Variants in C1GALT1 observed in about 807,000 individuals in gnomAD.
The protein encoded by C1GALT1 is glycoprotein-N-acetylgalactosamine 3-beta-galactosyltransferase 1.
Under a neutral mutation model 31.0 loss-of-function variants are expected in C1GALT1, and 11 were observed. The ratio of observed to expected loss-of-function variants is 0.36; its 90% CI spans 0.22 to 0.59. The LOEUF is 0.59. C1GALT1 is among the 20% of genes least tolerant of loss of function. The pLI is 0.79. For synonymous variants in C1GALT1, 175 were observed against 143.6 expected, an observed-to-expected ratio of 1.22 and a Z score of -1.56; for missense variants, 424 against 425.2, an observed-to-expected ratio of 1.00 and a Z score of 0.03.
intron 2 of C1GALT1, among the ~76,000 whole-genome samples, chr7:7,163,565 C>A (rs1293606446): frequency 6.6e-6 from 1 of 152,082 alleles, no homozygotes; most frequent in East Asian, 1.9e-4. Context: ...ATCTAGAAAA[C>A]CCCATTGTCT....
chr7:7,217,009 G>A (rs1262209213), intron 1 of C1GALT1, among the ~76,000 whole-genome samples: 1 of 152,094 alleles, frequency 6.6e-6, no homozygotes, highest in Non-Finnish European at 1.5e-5. Context: ...AGAGATTGTG[G>A]ATAAAAAGAG....
At chr7:7,223,200 C>G (rs569033150) in intron 1 of C1GALT1, among the ~76,000 whole-genome samples, 34 of 152,170 alleles carry the variant, frequency 2.2e-4, no homozygotes, top group African/African-American at 7.0e-4. Flanking sequence ...GCTCTGTCAC[C>G]CAGGCTGGAG....
At chr7:7,191,990 A>G (rs6977530) in intron 1 of C1GALT1, among the ~76,000 whole-genome samples, 5,162 of 152,162 alleles carry the variant, frequency 0.034, 200 homozygotes, top group African/African-American at 0.095. Context: ...TAATTTGCCA[A>G]TATTTTCTTT....
At chr7:7,169,437 G>T (rs917805007) in intron 2 of C1GALT1, among the ~76,000 whole-genome samples, 5 of 152,080 alleles carry the variant, frequency 3.3e-5, no homozygotes, top group Non-Finnish European at 7.4e-5. Flanking sequence ...TGCCATGCTG[G>T]TTTCCACAGT....
In C1GALT1 at chr7:7,238,297, G is replaced by C; in HGVS notation, c.263G>C (p.Arg88Thr). 2 of 1,609,778 alleles carry C rather than the reference G, an allele frequency of 1.2e-6. No homozygotes were observed. Among genetic ancestry groups the C allele is most frequent in the Non-Finnish European group, 1.7e-6 (2 of 1,178,858 alleles). Residue 88 changes from arginine to threonine, a missense_variant, in exon 3 of 4, where the codon AGA (arginine) becomes ACA (threonine). Physicochemically the swap from Arg to Thr is moderately conservative, Grantham distance 71. Around this residue, in one of 3 missense-constraint regions of C1GALT1, gnomAD observed 189 missense variants for 158.2 expected, o/e 1.19. Coordinates refer to ENST00000436587, the MANE Select transcript of C1GALT1 (RefSeq NM_020156.5). The surrounding 1 kb of genome is among the most constrained non-coding windows in gnomAD (Gnocchi z 5.2). ...GCTGAAAACCTCTATCAGAAAGTTA[G>C]AATTCTTTGCTGGGTTATGACCGGC... is the stretch of plus-strand genomic sequence containing the variant. ...DIAENLYQKVRILCWVMTGPQ... is the reference protein window; with the variant it reads ...DIAENLYQKVTILCWVMTGPQ...
In C1GALT1 at chr7:7,238,432, G is replaced by C; in HGVS notation, c.398G>C (p.Gly133Ala). The C allele has an allele frequency of 6.2e-7, 1 of 1,613,928 alleles. No individual in the cohort carries two copies. The highest frequency in any genetic ancestry group is 2.2e-5 in the East Asian group (1 of 44,878). ...GAAAATAAAGACTTCCCTGCTGTGG[G>C]ACTGAAAACCAAAGAAGGCAGAGAT... ...SEENKDFPAV[G>A]LKTKEGRDQL... The change falls in exon 3 of 4, where the codon GGA (glycine) becomes GCA (alanine). Residue 133 changes from glycine (G) to alanine (A), a missense_variant. By Grantham distance (60) the Gly-to-Ala change is moderately conservative. Transcript: ENST00000436587. The surrounding 1 kb of genome is among the most constrained non-coding windows in gnomAD (Gnocchi z 5.2).
intron 1 of C1GALT1, among the ~76,000 whole-genome samples, chr7:7,208,589 C>G (rs1781855662): frequency 6.6e-6 from 1 of 152,170 alleles, no homozygotes; most frequent in Non-Finnish European, 1.5e-5. Flanking sequence ...GAGCACCAGC[C>G]TTTAAGTTCC....
At chr7:7,222,138 C>T (rs1410403743) in intron 1 of C1GALT1, among the ~76,000 whole-genome samples, 1 of 152,214 alleles carries the variant, frequency 6.6e-6, no homozygotes, top group Admixed American at 6.5e-5. Flanking sequence ...TTAGAGCTTA[C>T]TGCCAAAAGA....
intron 1 of C1GALT1, among the ~76,000 whole-genome samples, chr7:7,193,581 G>A (rs183567684): frequency 4.6e-4 from 70 of 152,072 alleles, no homozygotes; most frequent in Middle Eastern, 3.4e-3. Context: ...GTTTGAAGTC[G>A]GGTAATGTGA....
At chr7:7,204,949 A>G (rs1034447787) in intron 1 of C1GALT1, among the ~76,000 whole-genome samples, 2 of 152,176 alleles carry the variant, frequency 1.3e-5, no homozygotes, top group Non-Finnish European at 2.9e-5. Flanking sequence ...GTGGCCTAAC[A>G]TGGTGTATCC....
intron 3 of C1GALT1, among the ~76,000 whole-genome samples, chr7:7,242,096 T>A (rs74499885): frequency 0.017 from 2,637 of 152,024 alleles, 52 homozygotes; most frequent in African/African-American, 0.06. Context: ...AATTGAGATA[T>A]GCTGTAAATA....
intron 1 of C1GALT1, among the ~76,000 whole-genome samples, chr7:7,218,630 A>G (rs775853994): frequency 3.3e-5 from 5 of 152,150 alleles, no homozygotes; most frequent in Non-Finnish European, 7.4e-5. Context: ...AGCAACTCTG[A>G]GAGGTAAGAT....
intron 1 of C1GALT1, among the ~76,000 whole-genome samples, chr7:7,221,249 G>A (rs1355537942): frequency 1.3e-5 from 2 of 151,908 alleles, no homozygotes; most frequent in African/African-American, 4.8e-5. Flanking sequence ...TACTTTCAGG[G>A]AGATTTCTTT....
At chr7:7,227,132 A>G (rs918836078) in intron 1 of C1GALT1, among the ~76,000 whole-genome samples, 1 of 152,184 alleles carries the variant, frequency 6.6e-6, no homozygotes, top group South Asian at 2.1e-4. Context: ...GGTGACATTC[A>G]GATTTTTTAG....
intron 1 of C1GALT1, among the ~76,000 whole-genome samples, chr7:7,215,295 G>T (rs919103214): frequency 6.6e-6 from 1 of 152,094 alleles, no homozygotes; most frequent in Non-Finnish European, 1.5e-5. Context: ...ACACCAGATT[G>T]TTTATAACTG....
intron 1 of C1GALT1, among the ~76,000 whole-genome samples, chr7:7,215,360 A>G (rs1002979222): frequency 3.3e-5 from 5 of 152,170 alleles, no homozygotes; most frequent in South Asian, 2.1e-4. Flanking sequence ...GAGAATATAA[A>G]CAATGATCCT....
intron 1 of C1GALT1, among the ~76,000 whole-genome samples, chr7:7,188,365 A>G (rs2128230660): frequency 6.6e-6 from 1 of 152,326 alleles, no homozygotes; most frequent in South Asian, 2.1e-4. Context: ...CCTATGGTCC[A>G]GGTGGAAGTA....
chr7:7,226,854 G>A (rs1782784766), intron 1 of C1GALT1, among the ~76,000 whole-genome samples: 1 of 152,132 alleles, frequency 6.6e-6, no homozygotes. Context: ...TTCATATAAT[G>A]TAAACTATGT....
chr7:7,196,989 G>A (rs1179611948), intron 1 of C1GALT1, among the ~76,000 whole-genome samples: 2 of 152,118 alleles, frequency 1.3e-5, no homozygotes, highest in African/African-American at 2.4e-5. Context: ...CCATTGTGTA[G>A]GTTGCCCGTT....
Sources: gnomAD v4.1 joint callset for allele counts (sites outside exome capture counted in the v4.1 genomes callset) on GRCh38, gnomAD v4.1.1 for gene constraint, gnomAD v4.1.1 regional missense constraint, Gnocchi (gnomAD v3.1) non-coding constraint, MANE v1.5 for transcripts, NCBI Gene and HGNC (gene_info 2026-07-23, HGNC 2026-07-21) for gene names.